Variants in NT5DC3 observed in about 807,000 individuals in gnomAD.
The protein encoded by NT5DC3 is 5'-nucleotidase domain containing 3, also known as 5'-nucleotidase domain-containing protein 3.
NT5DC3 carries 42 observed loss-of-function variants against 67.8 expected under a neutral mutation model. The observed-to-expected ratio is 0.62, with a 90% CI of 0.48 to 0.80. The LOEUF (loss-of-function observed/expected upper bound fraction) is 0.80, where lower values mean the gene tolerates loss of function less well. Among genes scored for constraint, NT5DC3 ranks in the 30% least tolerant of loss-of-function variants. NT5DC3 has a pLI of 0.00. For missense variants in NT5DC3, 570 were observed against 696.4 expected (o/e 0.82, Z 2.04); for synonymous variants, 237 against 255.6 (o/e 0.93, Z 0.69).
intron 1 of NT5DC3, 46 bp downstream of exon 1, chr12:103,840,903 G>A: frequency 2.5e-6 from 3 of 1,196,964 alleles, no homozygotes; most frequent in Non-Finnish European, 3.3e-6. Context: ...AGCTGAGCGC[G>A]CAGGAGGGGC....
chr12:103,753,242 T>TC, the NT5DC3 span: 1 of 1,614,214 alleles, frequency 6.2e-7, no homozygotes, highest in East Asian at 2.2e-5. Context: ...GGGTGTTCCA[T>TC]CTACGCTCCC....
the NT5DC3 span, among the ~76,000 whole-genome samples, chr12:103,751,610 T>TG: frequency 1.3e-5 from 2 of 152,116 alleles, no homozygotes; most frequent in Non-Finnish European, 2.9e-5. Flanking sequence ...CTACTTAGCA[T>TG]GGGGATAAAA....
chr12:103,762,542 A>G, the NT5DC3 span: 1 of 1,297,048 alleles, frequency 7.7e-7, no homozygotes, highest in Non-Finnish European at 1.1e-6. Flanking sequence ...GCGGCCACCC[A>G]CCCCACGCTT....
intron 1 of NT5DC3, among the ~76,000 whole-genome samples, chr12:103,823,592 T>C (rs1887575140): frequency 6.6e-6 from 1 of 152,236 alleles, no homozygotes; most frequent in Non-Finnish European, 1.5e-5. Context: ...ATAATATTCA[T>C]ATACTTCAAG....
intron 1 of NT5DC3, among the ~76,000 whole-genome samples, chr12:103,820,370 C>T (rs1031593919): frequency 3.9e-5 from 6 of 152,112 alleles, no homozygotes; most frequent in Admixed American, 3.3e-4. Flanking sequence ...TTAAGGCCAT[C>T]ACAGAAAAAT....
chr12:103,831,549 T>A (rs534476344), intron 1 of NT5DC3, among the ~76,000 whole-genome samples: 87 of 152,040 alleles, frequency 5.7e-4, no homozygotes, highest in African/African-American at 2.1e-3. Context: ...AGAAAAAATA[T>A]CTAGAGCAAA....
In NT5DC3 at chr12:103,776,752, G is replaced by A. The variant is rs1885356034; in HGVS notation, c.*1077C>T. 6.6e-6 allele frequency: 1 copy of A among 151,514 alleles called. No homozygotes were observed. The highest frequency in any genetic ancestry group is 1.5e-5 in the Non-Finnish European group (1 of 68,002). The allele number at this position is 151,514 out of a possible 1,614,324, so 9.4% of individuals were successfully genotyped here. On this transcript the variant is annotated 3_prime_UTR_variant, in exon 14 of 14. Coordinates refer to ENST00000392876, the MANE Select transcript of NT5DC3 (RefSeq NM_001031701.3). Reference sequence around the variant, plus strand: ...CAGGAGTGAAATCTAAGAGAAGGCTGGACATGGCTAAGTTGTGGTGGCCAT... The same window carrying A: ...CAGGAGTGAAATCTAAGAGAAGGCTAGACATGGCTAAGTTGTGGTGGCCAT...
the NT5DC3 span, among the ~76,000 whole-genome samples, chr12:103,764,663 AG>A: frequency 0.038 from 5,742 of 152,304 alleles, 379 homozygotes; most frequent in African/African-American, 0.13. Flanking sequence ...ATTTTTCCAA[AG>A]TAAATCAAGG....
chr12:103,798,783 C>T, intron 4 of NT5DC3, 106 bp from the exon 5 acceptor site: 2 of 767,858 alleles, frequency 2.6e-6, no homozygotes, highest in Non-Finnish European at 2.2e-6. Context: ...AAGGCACTGT[C>T]ATCATGACGA....
intron 1 of NT5DC3, among the ~76,000 whole-genome samples, chr12:103,836,878 G>A (rs1439092846): frequency 6.6e-6 from 1 of 152,174 alleles, no homozygotes; most frequent in African/African-American, 2.4e-5. Flanking sequence ...CAAGCTGTCG[G>A]TGGATCTACT....
chr12:103,790,694 C>CTTTTTTT (rs67812943), intron 9 of NT5DC3, among the ~76,000 whole-genome samples: 4 of 74,424 alleles, frequency 5.4e-5, no homozygotes, highest in African/African-American at 1.1e-4. Flanking sequence ...CCAAGTACAT[C>CTTTTTTT]TTTTTTTTTT....
chr12:103,840,383 C>CTCATCTCATCTCA (rs1888337681), intron 1 of NT5DC3, among the ~76,000 whole-genome samples: 3 of 64,936 alleles, frequency 4.6e-5, no homozygotes, highest in Non-Finnish European at 9.9e-5. Flanking sequence ...CACAGCTCAT[C>CTCATCTCATCTCA]TCATCTCATC....
At chr12:103,771,097 T>C (rs1378098732), downstream of NT5DC3, 3 of 152,228 alleles carry the variant, frequency 2.0e-5, no homozygotes, top group Non-Finnish European at 4.4e-5. Context: ...TATTTTGTTA[T>C]AGCAGCATGA....
At chr12:103,786,806 C>T (rs1442095765) in intron 11 of NT5DC3, among the ~76,000 whole-genome samples, 1 of 151,962 alleles carries the variant, frequency 6.6e-6, no homozygotes, top group Non-Finnish European at 1.5e-5. Flanking sequence ...CCTCAGCCTC[C>T]CCAGTAGCTG....
the NT5DC3 span, chr12:103,755,476 C>T: frequency 4.3e-6 from 7 of 1,612,796 alleles, no homozygotes; most frequent in African/African-American, 1.3e-5. Context: ...AGGTAACCGC[C>T]CCAGCTACAC....
At chr12:103,797,364 G>A (rs1886364061) in intron 5 of NT5DC3, among the ~76,000 whole-genome samples, 1 of 151,888 alleles carries the variant, frequency 6.6e-6, no homozygotes, top group East Asian at 1.9e-4. Context: ...CAGCTACTCA[G>A]GAGGCTGAGG....
At chr12:103,833,771 G>A (rs1405329847) in intron 1 of NT5DC3, among the ~76,000 whole-genome samples, 2 of 150,690 alleles carry the variant, frequency 1.3e-5, no homozygotes, top group African/African-American at 2.4e-5. Flanking sequence ...GGAGCAACCC[G>A]TCTTGGAGGA....
chr12:103,782,086 C>A (rs1386542857), intron 12 of NT5DC3, among the ~76,000 whole-genome samples: 1 of 152,182 alleles, frequency 6.6e-6, no homozygotes, highest in Admixed American at 6.5e-5. Flanking sequence ...AATTTCATGA[C>A]AGGCTGGGCG....
chr12:103,806,395 T>A lies in NT5DC3; in HGVS notation c.469-18A>T, dbSNP rs773829495. 2.6e-6 allele frequency: 4 copies of A among 1,536,918 alleles called. No homozygotes were observed. The South Asian group carries it at 4.5e-5, about 17-fold the overall frequency. On this transcript the variant is annotated intron_variant, in intron 3 of 13. Transcript: ENST00000392876. ...AATACTGCCTTTAAAAACATAAACATATGCACATGTAAATAATGTATGACT... is the reference window on the plus strand; with the variant it reads ...AATACTGCCTTTAAAAACATAAACAAATGCACATGTAAATAATGTATGACT...
Sources: allele counts gnomAD v4.1 joint callset (sites outside exome capture counted in the v4.1 genomes callset), GRCh38; gene constraint gnomAD v4.1.1; transcripts MANE v1.5; gene names NCBI Gene and HGNC (gene_info 2026-07-23, HGNC 2026-07-21).